The following RCAN2 variants were observed in gnomAD, a reference collection of about 807,000 sequenced individuals.
RCAN2 encodes calcipressin-2.
In RCAN2, 9 loss-of-function variants were observed where a neutral mutation model predicts 23.6. That is an observed-to-expected ratio of 0.38 (90% CI 0.23 to 0.67). RCAN2 has a LOEUF of 0.67. RCAN2 is among the 30% of genes least tolerant of loss of function. The probability of loss-of-function intolerance (pLI) is 0.51; values close to 1 mark genes in which losing one functional copy is unlikely to be tolerated. For missense variants in RCAN2, 273 were observed against 302.3 expected (o/e 0.90, Z 0.72); for synonymous variants, 109 against 115.7 (o/e 0.94, Z 0.37).
intron 2 of RCAN2, among the ~76,000 whole-genome samples, chr6:46,268,639 C>G (rs533271389): frequency 3.9e-5 from 6 of 152,294 alleles, no homozygotes; most frequent in Admixed American, 1.3e-4. Flanking sequence ...TCACACTAGA[C>G]TGATAGTTTG....
At chr6:46,437,320 G>T (rs1767404045) in intron 2 of RCAN2, among the ~76,000 whole-genome samples, 1 of 152,100 alleles carries the variant, frequency 6.6e-6, no homozygotes, top group Non-Finnish European at 1.5e-5. Flanking sequence ...CATGTGTTTT[G>T]GCTGCTTTTA....
chr6:46,358,851 G>A (rs919064882), intron 2 of RCAN2, among the ~76,000 whole-genome samples: 1 of 152,124 alleles, frequency 6.6e-6, no homozygotes, highest in Non-Finnish European at 1.5e-5. Context: ...TAACATCCAG[G>A]GTTGGGACCT....
chr6:46,374,271 C>A (rs185454861), intron 2 of RCAN2, among the ~76,000 whole-genome samples: 1 of 152,320 alleles, frequency 6.6e-6, no homozygotes, highest in East Asian at 1.9e-4. Flanking sequence ...TTTCTCCTGG[C>A]TTTTCATGCT....
intron 2 of RCAN2, among the ~76,000 whole-genome samples, chr6:46,446,188 A>T (rs1168558195): frequency 6.6e-6 from 1 of 151,808 alleles, no homozygotes; most frequent in Non-Finnish European, 1.5e-5. Flanking sequence ...GAAACATATC[A>T]CACGTAATGA....
intron 2 of RCAN2, among the ~76,000 whole-genome samples, chr6:46,370,269 C>G (rs10948289): frequency 0.43 from 64,630 of 152,004 alleles, 16,724 homozygotes; most frequent in East Asian, 0.6. Flanking sequence ...CTCCTTAACA[C>G]CCACGTGCAT....
At chr6:46,311,955 G>A (rs908450392) in intron 2 of RCAN2, among the ~76,000 whole-genome samples, 1 of 152,136 alleles carries the variant, frequency 6.6e-6, no homozygotes, top group Non-Finnish European at 1.5e-5. Context: ...GTGTCCAGAT[G>A]AGTCCATATT....
chr6:46,329,888 A>G (rs887165484), intron 2 of RCAN2, among the ~76,000 whole-genome samples: 1 of 152,158 alleles, frequency 6.6e-6, no homozygotes, highest in African/African-American at 2.4e-5. Context: ...AGCTGAGCTG[A>G]TACACTCACC....
At chr6:46,246,690 T>C in intron 4 of RCAN2, 58 bp downstream of exon 4, 1 of 1,484,192 alleles carries the variant, frequency 6.7e-7, no homozygotes, top group Non-Finnish European at 9.3e-7. Context: ...GTTAATCTCA[T>C]TTGGCTTTTC....
At chr6:46,396,734 A>G (rs1471078903) in intron 2 of RCAN2, among the ~76,000 whole-genome samples, 2 of 152,132 alleles carry the variant, frequency 1.3e-5, no homozygotes, top group Non-Finnish European at 2.9e-5. Context: ...TATCTTTTGA[A>G]GTTTTTTTGT....
intron 2 of RCAN2, among the ~76,000 whole-genome samples, chr6:46,250,665 C>G (rs1164032428): frequency 6.6e-6 from 1 of 152,176 alleles, no homozygotes; most frequent in Non-Finnish European, 1.5e-5. Context: ...GTGACCCTGA[C>G]TAGAGAGATA....
At chr6:46,408,609 C>T (rs1766471937) in intron 2 of RCAN2, among the ~76,000 whole-genome samples, 1 of 152,142 alleles carries the variant, frequency 6.6e-6, no homozygotes, top group African/African-American at 2.4e-5. Context: ...TCCTGCCACC[C>T]AAACGGAGCA....
intron 2 of RCAN2, among the ~76,000 whole-genome samples, chr6:46,352,439 G>C (rs1265157314): frequency 1.3e-5 from 2 of 152,100 alleles, no homozygotes; most frequent in East Asian, 1.9e-4. Context: ...GAGTTTTGGG[G>C]CCTGAGACCA....
At chr6:46,427,431 CATAGTTATTA>C (rs2150415160) in intron 2 of RCAN2, among the ~76,000 whole-genome samples, 1 of 152,216 alleles carries the variant, frequency 6.6e-6, no homozygotes, top group East Asian at 1.9e-4. Context: ...TTTCCCATTG[CATAGTTATTA>C]AAGTTAAATA....
chr6:46,424,085 C>T (rs148112701), intron 2 of RCAN2, among the ~76,000 whole-genome samples: 2,609 of 152,280 alleles, frequency 0.017, 51 homozygotes, highest in South Asian at 0.12. Context: ...CCTGGTTCAT[C>T]CCTTTTACTT....
At chr6:46,468,602 T>C (rs376283077) in intron 1 of RCAN2, among the ~76,000 whole-genome samples, 1 of 152,172 alleles carries the variant, frequency 6.6e-6, no homozygotes, top group South Asian at 2.1e-4. Context: ...AGCAAACCCA[T>C]TTATTGACGT....
intron 2 of RCAN2, among the ~76,000 whole-genome samples, chr6:46,261,194 C>T (rs111788247): frequency 3.3e-5 from 5 of 152,290 alleles, no homozygotes; most frequent in African/African-American, 1.2e-4. Flanking sequence ...CTTATCCAGT[C>T]TCACAAGAGG....
chr6:46,437,918 A>G (rs1243624896), intron 2 of RCAN2, among the ~76,000 whole-genome samples: 1 of 152,228 alleles, frequency 6.6e-6, no homozygotes, highest in Non-Finnish European at 1.5e-5. Flanking sequence ...TAAAATAAGC[A>G]AGCTCACAGG....
At chr6:46,245,212 T>C (rs1165397276) in intron 4 of RCAN2, among the ~76,000 whole-genome samples, 3 of 152,224 alleles carry the variant, frequency 2.0e-5, no homozygotes, top group Non-Finnish European at 2.9e-5. Context: ...GTAAAACTTA[T>C]GGCCATTTTA....
chr6:46,417,112 T>C (rs1726367248), intron 2 of RCAN2, among the ~76,000 whole-genome samples: 1 of 152,220 alleles, frequency 6.6e-6, no homozygotes, highest in Non-Finnish European at 1.5e-5. Context: ...TTCAAGTAAA[T>C]GCATAGATGG....
Sources: allele counts gnomAD v4.1 joint callset (sites outside exome capture counted in the v4.1 genomes callset), GRCh38; gene constraint gnomAD v4.1.1; transcripts MANE v1.5; gene names NCBI Gene and HGNC (gene_info 2026-07-23, HGNC 2026-07-21).